RAB38: variants seen among roughly 807,000 people sequenced by gnomAD.
RAB38 encodes ras-related protein Rab-38.
Under a neutral mutation model 18.4 loss-of-function variants are expected in RAB38, and 15 were observed. The observed-to-expected ratio is 0.82, with a 90% CI of 0.55 to 1.26. The LOEUF is 1.26. Ranked by LOEUF, RAB38 falls within the 50% of genes most tolerant of loss-of-function variation. The pLI is 0.00. For synonymous variants in RAB38, 101 were observed against 104.4 expected (o/e 0.97, Z 0.20); for missense variants, 294 against 267.4 (o/e 1.10, Z -0.69).
At chr11:87,922,946 G>A in the RAB38 span, among the ~76,000 whole-genome samples, 5 of 150,840 alleles carry the variant, frequency 3.3e-5, no homozygotes, top group African/African-American at 1.2e-4. Context: ...CAGAAGGAGA[G>A]AGAGAAGGAA....
At chr11:88,158,519 T>C (rs562517294) in intron 1 of RAB38, among the ~76,000 whole-genome samples, 159 of 152,050 alleles carry the variant, frequency 1.0e-3, no homozygotes, top group Middle Eastern at 3.4e-3. Flanking sequence ...GACACAAAAT[T>C]CCTCAACAAA....
chr11:88,155,005 T>C (rs934688368), intron 1 of RAB38, among the ~76,000 whole-genome samples: 13 of 152,196 alleles, frequency 8.5e-5, no homozygotes, highest in African/African-American at 3.1e-4. Flanking sequence ...TCTCTAGGCA[T>C]CTGAAGCACT....
At chr11:88,085,197 C>T in the RAB38 span, among the ~76,000 whole-genome samples, 17,041 of 151,876 alleles carry the variant, frequency 0.11, 1,225 homozygotes, top group Admixed American at 0.19. Flanking sequence ...ACTTGGTGAT[C>T]CTGCAGGGTG....
the RAB38 span, among the ~76,000 whole-genome samples, chr11:87,849,118 C>G: frequency 6.6e-6 from 1 of 152,036 alleles, no homozygotes; most frequent in African/African-American, 2.4e-5. Context: ...ACATGACTTT[C>G]GCCACCATAG....
intron 2 of RAB38, among the ~76,000 whole-genome samples, chr11:88,127,372 G>C (rs1942711597): frequency 6.6e-6 from 1 of 152,134 alleles, no homozygotes; most frequent in South Asian, 2.1e-4. Flanking sequence ...TCAAAGAAGG[G>C]AATGATTGTG....
the RAB38 span, among the ~76,000 whole-genome samples, chr11:88,037,828 G>A: frequency 1.3e-5 from 2 of 152,014 alleles, no homozygotes; most frequent in African/African-American, 4.8e-5. Flanking sequence ...CTTTTACTGT[G>A]TATCTTATAT....
chr11:87,927,169 A>G, the RAB38 span, among the ~76,000 whole-genome samples: 6 of 152,078 alleles, frequency 3.9e-5, no homozygotes, highest in East Asian at 1.9e-4. Context: ...ACTTGTCAGT[A>G]TAAATAGACT....
the RAB38 span, among the ~76,000 whole-genome samples, chr11:88,003,707 ATAT>A: frequency 1.6e-3 from 3 of 1,854 alleles, no homozygotes; most frequent in African/African-American, 0.013. Context: ...AATATATTGT[ATAT>A]ATTATATATA....
intron 1 of RAB38, among the ~76,000 whole-genome samples, chr11:88,165,255 A>T (rs1943233554): frequency 1.3e-5 from 2 of 152,178 alleles, no homozygotes; most frequent in African/African-American, 4.8e-5. Context: ...TAGTTAGACA[A>T]ATCTCAGTGC....
chr11:87,857,384 T>G, the RAB38 span, among the ~76,000 whole-genome samples: 2 of 152,192 alleles, frequency 1.3e-5, no homozygotes, highest in Non-Finnish European at 2.9e-5. Flanking sequence ...TACCCAGTAA[T>G]GGGATGGCTG....
the RAB38 span, among the ~76,000 whole-genome samples, chr11:87,977,543 T>A: frequency 2.1e-4 from 25 of 116,766 alleles, 1 homozygote; most frequent in South Asian, 3.0e-3. Context: ...TATATCATTA[T>A]TATATAATAT....
chr11:87,829,506 G>A, the RAB38 span, among the ~76,000 whole-genome samples: 1 of 152,146 alleles, frequency 6.6e-6, no homozygotes, highest in Admixed American at 6.5e-5. Context: ...GCAGGGGAGA[G>A]AGAGTGACCA....
chr11:87,977,521 AGAT>A, the RAB38 span, among the ~76,000 whole-genome samples: 1 of 107,364 alleles, frequency 9.3e-6, no homozygotes, highest in Non-Finnish European at 1.8e-5. Flanking sequence ...GTAATTATAT[AGAT>A]AATATAATTA....
the RAB38 span, among the ~76,000 whole-genome samples, chr11:87,914,231 C>G: frequency 1.3e-5 from 2 of 152,066 alleles, no homozygotes; most frequent in Non-Finnish European, 2.9e-5. Context: ...GATTAAATGG[C>G]TGTGACCAAA....
intron 1 of RAB38, among the ~76,000 whole-genome samples, chr11:88,162,028 C>T (rs1943193623): frequency 6.6e-6 from 1 of 151,970 alleles, no homozygotes; most frequent in Non-Finnish European, 1.5e-5. Context: ...AAAAATCAAA[C>T]TATAATTGCT....
At chr11:87,872,770 C>G in the RAB38 span, among the ~76,000 whole-genome samples, 5 of 151,558 alleles carry the variant, frequency 3.3e-5, no homozygotes, top group Non-Finnish European at 7.4e-5. Context: ...TGTTTCACAA[C>G]TCTTTGTGGT....
At chr11:87,874,303 G>GA in the RAB38 span, among the ~76,000 whole-genome samples, 1 of 151,394 alleles carries the variant, frequency 6.6e-6, no homozygotes, top group African/African-American at 2.4e-5. Flanking sequence ...AAAGTGAAGA[G>GA]AAAATCACAG....
chr11:87,879,414 T>TA, the RAB38 span: 1 of 151,610 alleles, frequency 6.6e-6, no homozygotes, highest in Non-Finnish European at 1.5e-5. Flanking sequence ...GAAGACTTTT[T>TA]TTTTTCAGTT....
chr11:87,933,464 A>C, the RAB38 span, among the ~76,000 whole-genome samples: 1 of 152,138 alleles, frequency 6.6e-6, no homozygotes, highest in Non-Finnish European at 1.5e-5. Flanking sequence ...AAAAATGGGC[A>C]CATGTCTCAA....
Sources: allele counts gnomAD v4.1 joint callset (sites outside exome capture counted in the v4.1 genomes callset), GRCh38; gene constraint gnomAD v4.1.1; transcripts MANE v1.5; gene names NCBI Gene and HGNC (gene_info 2026-07-23, HGNC 2026-07-21).